Variants in PLCL1 observed in about 807,000 individuals in gnomAD.
The protein encoded by PLCL1 is phospholipase C like 1 (inactive).
A neutral mutation model predicts 84.4 loss-of-function variants in PLCL1; 41 were observed. The observed-to-expected ratio is 0.49, with a 90% CI of 0.38 to 0.63. The LOEUF (loss-of-function observed/expected upper bound fraction) is 0.63. Among genes scored for constraint, PLCL1 ranks in the 30% least tolerant of loss-of-function variants. The pLI, the probability that PLCL1 is intolerant of heterozygous loss-of-function variation, is 0.00. For synonymous variants in PLCL1, 490 were observed against 488.3 expected (o/e 1.00, Z -0.05); for missense variants, 1,206 against 1,367.8 (o/e 0.88, Z 1.87).
intron 1 of PLCL1, among the ~76,000 whole-genome samples, chr2:197,920,290 T>C (rs1196288638): frequency 6.6e-6 from 1 of 151,924 alleles, no homozygotes; most frequent in African/African-American, 2.4e-5. Flanking sequence ...TGTATCATCT[T>C]TCTCTCCAGT....
At chr2:198,013,423 C>G (rs1368379745) in intron 1 of PLCL1, among the ~76,000 whole-genome samples, 1 of 152,044 alleles carries the variant, frequency 6.6e-6, no homozygotes, top group Non-Finnish European at 1.5e-5. Flanking sequence ...TTCCCTTAAG[C>G]CTTTTTGTTT....
chr2:197,983,200 CTTTTTTTTTTTTTTTTTTTTTTTTT>C (rs760577848), intron 1 of PLCL1, among the ~76,000 whole-genome samples: 6 of 60,286 alleles, frequency 1.0e-4, no homozygotes, highest in African/African-American at 1.3e-4. Context: ...CTTTTCTTTT[CTTTTTTTTTTTTTTTTTTTTTTTTT>C]TTTTTTTTTT....
At chr2:197,947,237 A>ATATATATAT (rs1689294732) in intron 1 of PLCL1, among the ~76,000 whole-genome samples, 3 of 142,750 alleles carry the variant, frequency 2.1e-5, no homozygotes, top group African/African-American at 7.8e-5. Context: ...TGCTTAGATA[A>ATATATATAT]ATATATATAT....
intron 1 of PLCL1, among the ~76,000 whole-genome samples, chr2:197,897,098 C>T (rs548635843): frequency 4.7e-4 from 55 of 117,870 alleles, no homozygotes; most frequent in African/African-American, 8.8e-4. Context: ...AAGTATGACT[C>T]CTTCTTCTTC....
chr2:197,946,023 C>G (rs1246582843), intron 1 of PLCL1, among the ~76,000 whole-genome samples: 1 of 152,058 alleles, frequency 6.6e-6, no homozygotes, highest in Non-Finnish European at 1.5e-5. Context: ...CAACCATGTA[C>G]AATTTGACTA....
At chr2:198,120,188 A>T (rs1350888974) in intron 5 of PLCL1, among the ~76,000 whole-genome samples, 1 of 151,898 alleles carries the variant, frequency 6.6e-6, no homozygotes, top group African/African-American at 2.4e-5. Context: ...AAAAAAAATA[A>T]TTTTTGTGGG....
At chr2:197,826,431 A>G (rs78661919) in intron 1 of PLCL1, among the ~76,000 whole-genome samples, 2,331 of 152,302 alleles carry the variant, frequency 0.015, 66 homozygotes, top group African/African-American at 0.052. Flanking sequence ...ATATGTGAAG[A>G]TGAGGAAGAA....
At chr2:198,112,284 C>A (rs942297955) in intron 5 of PLCL1, among the ~76,000 whole-genome samples, 18 of 151,800 alleles carry the variant, frequency 1.2e-4, no homozygotes, top group African/African-American at 4.4e-4. Context: ...TGGACAGGTA[C>A]GATTGGGAAT....
intron 5 of PLCL1, among the ~76,000 whole-genome samples, chr2:198,121,961 G>C (rs1170610848): frequency 6.6e-6 from 1 of 152,010 alleles, no homozygotes; most frequent in Non-Finnish European, 1.5e-5. Flanking sequence ...CAGGTTTCTA[G>C]ATCAGTGCTT....
At chr2:197,886,150 G>A (rs1687918144) in intron 1 of PLCL1, among the ~76,000 whole-genome samples, 1 of 151,978 alleles carries the variant, frequency 6.6e-6, no homozygotes, top group Non-Finnish European at 1.5e-5. Flanking sequence ...AGTGGCTCAC[G>A]CCTGTAATCC....
intron 1 of PLCL1, among the ~76,000 whole-genome samples, chr2:197,940,489 T>G (rs1300797677): frequency 6.6e-6 from 1 of 152,246 alleles, no homozygotes; most frequent in Non-Finnish European, 1.5e-5. Flanking sequence ...CCTTGATTTA[T>G]TCAGGCCAAT....
chr2:197,969,083 G>A (rs901054808), intron 1 of PLCL1, among the ~76,000 whole-genome samples: 2 of 152,144 alleles, frequency 1.3e-5, no homozygotes, highest in Non-Finnish European at 2.9e-5. Context: ...GCATATGCAA[G>A]GGATCTAGAT....
intron 5 of PLCL1, among the ~76,000 whole-genome samples, chr2:198,123,487 C>G (rs1574328846): frequency 6.6e-6 from 1 of 151,830 alleles, no homozygotes; most frequent in East Asian, 1.9e-4. Context: ...TATAAGAAGA[C>G]AAAATTTAGA....
chr2:198,040,391 A>C (rs1308142055), intron 1 of PLCL1, among the ~76,000 whole-genome samples: 6 of 152,106 alleles, frequency 3.9e-5, no homozygotes, highest in Non-Finnish European at 8.8e-5. Context: ...TGTGGTGTTG[A>C]GAGAAAGGAA....
chr2:197,913,927 T>C (rs1260909230), intron 1 of PLCL1, among the ~76,000 whole-genome samples: 1 of 152,154 alleles, frequency 6.6e-6, no homozygotes, highest in Admixed American at 6.5e-5. Flanking sequence ...CGAATATACA[T>C]TAATTTTGCC....
At chr2:198,105,890 TTGA>T (rs1693462421) in intron 5 of PLCL1, among the ~76,000 whole-genome samples, 1 of 151,868 alleles carries the variant, frequency 6.6e-6, no homozygotes, top group Non-Finnish European at 1.5e-5. Context: ...TTTTAGAATT[TTGA>T]AGTAAATATG....
At chr2:197,865,975 A>C (rs1185386906) in intron 1 of PLCL1, among the ~76,000 whole-genome samples, 1 of 136,640 alleles carries the variant, frequency 7.3e-6, no homozygotes, top group Non-Finnish European at 1.5e-5. Flanking sequence ...GCACCACTGC[A>C]CTCCAGCCTG....
chr2:198,097,308 TG>T (rs1693224959), intron 3 of PLCL1, among the ~76,000 whole-genome samples: 1 of 152,154 alleles, frequency 6.6e-6, no homozygotes, highest in Admixed American at 6.5e-5. Context: ...AATTTCTACT[TG>T]GTACCAGGAT....
intron 1 of PLCL1, among the ~76,000 whole-genome samples, chr2:198,055,348 T>C (rs528522804): frequency 1.1e-3 from 129 of 114,066 alleles, no homozygotes; most frequent in African/African-American, 4.5e-3. Flanking sequence ...TGTGTGTCTG[T>C]GTATGAGAGA....
Sources: gnomAD v4.1 joint callset for allele counts (sites outside exome capture counted in the v4.1 genomes callset) on GRCh38, gnomAD v4.1.1 for gene constraint, MANE v1.5 for transcripts, NCBI Gene and HGNC (gene_info 2026-07-23, HGNC 2026-07-21) for gene names.